The following CRB1 variants were observed in gnomAD, a reference collection of about 807,000 sequenced individuals.
The protein encoded by CRB1 is protein crumbs homolog 1.
Under a neutral mutation model 120.0 loss-of-function variants are expected in CRB1, and 83 were observed. The observed-to-expected ratio is 0.69, with a 90% CI of 0.58 to 0.83. CRB1 has a LOEUF of 0.83. CRB1 is among the 40% of genes least tolerant of loss of function. The probability of loss-of-function intolerance (pLI) is 0.00; values close to 1 mark genes in which losing one functional copy is unlikely to be tolerated. For missense variants in CRB1, 1,699 were observed against 1,687.6 expected (o/e 1.01, Z -0.12); for synonymous variants, 625 against 612.5 (o/e 1.02, Z -0.30).
At chr1:197,304,620 A>G (rs543829642) in intron 1 of CRB1, among the ~76,000 whole-genome samples, 1 of 152,230 alleles carries the variant, frequency 6.6e-6, no homozygotes, top group African/African-American at 2.4e-5. Context: ...CTTTCCTTGC[A>G]GTAGGGTTCT....
intron 1 of CRB1, among the ~76,000 whole-genome samples, chr1:197,286,125 C>T (rs1425455810): frequency 1.3e-5 from 2 of 151,744 alleles, no homozygotes; most frequent in Non-Finnish European, 1.5e-5. Context: ...ATTGGTGCTC[C>T]AGGACTGGGC....
chr1:197,397,460 T>C (rs1416379671), intron 5 of CRB1, among the ~76,000 whole-genome samples: 1 of 152,134 alleles, frequency 6.6e-6, no homozygotes, highest in Non-Finnish European at 1.5e-5. Flanking sequence ...TCCCAATTCA[T>C]ACATATTACC....
intron 5 of CRB1, among the ~76,000 whole-genome samples, chr1:197,385,487 G>A (rs954894271): frequency 6.6e-6 from 1 of 152,024 alleles, no homozygotes; most frequent in African/African-American, 2.4e-5. Context: ...TCCTCCTCCA[G>A]AGTCTTTCTC....
chr1:197,275,955 G>A (rs1460436951), intron 1 of CRB1, among the ~76,000 whole-genome samples: 1 of 151,436 alleles, frequency 6.6e-6, no homozygotes, highest in Non-Finnish European at 1.5e-5. Flanking sequence ...AAGGAAGAAG[G>A]TACTCAGTCA....
intron 5 of CRB1, among the ~76,000 whole-genome samples, chr1:197,401,744 T>A (rs1663076179): frequency 6.6e-6 from 1 of 152,114 alleles, no homozygotes; most frequent in Admixed American, 6.5e-5. Context: ...CTTAGTCACA[T>A]GAAGTTTATC....
intron 4 of CRB1, among the ~76,000 whole-genome samples, chr1:197,354,566 C>T (rs187969168): frequency 7.4e-4 from 112 of 152,112 alleles, no homozygotes; most frequent in South Asian, 2.1e-3. Flanking sequence ...TAAGATGGCA[C>T]GTCTGGCCGC....
chr1:197,360,236 T>C (rs1042671964), intron 5 of CRB1: 1 of 152,226 alleles, frequency 6.6e-6, no homozygotes, highest in Non-Finnish European at 1.5e-5. Context: ...TGTGGGAATA[T>C]CTTTCCCTGT....
Position 197,427,504 on chromosome 1 carries a change from T to C in CRB1, c.2179T>C (p.Phe727Leu), listed in dbSNP as rs758657548. 14 of 1,614,000 alleles carry C rather than the reference T, an allele frequency of 8.7e-6. No homozygotes were observed. Residue 727 changes from phenylalanine to leucine, a missense_variant, in exon 7 of 12, where the codon TTT (phenylalanine) becomes CTT (leucine). Phe to Leu is a conservative substitution (Grantham distance 22). Coordinates refer to ENST00000367400, the MANE Select transcript of CRB1 (RefSeq NM_201253.3). Reference sequence around the variant, plus strand: ...GGATGACTCCACTGGTTATGTCATCTTTACTCTTGATGAGAGCTATGGAGA... The same window carrying C: ...GGATGACTCCACTGGTTATGTCATCCTTACTCTTGATGAGAGCTATGGAGA... ...GQDDSTGYVI[F>L]TLDESYGDTI... is the part of the protein sequence containing the mutation.
chr1:197,277,051 A>G (rs1655248290), intron 1 of CRB1, among the ~76,000 whole-genome samples: 1 of 151,954 alleles, frequency 6.6e-6, no homozygotes, highest in Admixed American at 6.6e-5. Flanking sequence ...GGTGGAAGTA[A>G]TTTCATCACA....
At chr1:197,331,612 A>G (rs944524038) in intron 2 of CRB1, among the ~76,000 whole-genome samples, 1 of 152,160 alleles carries the variant, frequency 6.6e-6, no homozygotes, top group African/African-American at 2.4e-5. Context: ...TTTGTTTACA[A>G]TGGTCACATT....
chr1:197,477,748 G>T lies in CRB1; in HGVS notation c.4090G>T (p.Val1364Phe), dbSNP rs1437858539. The T allele has an allele frequency of 1.2e-6, 2 of 1,613,854 alleles. No individual in the cohort carries two copies. The highest frequency in any genetic ancestry group is 1.7e-5 in the Admixed American group (1 of 59,978). Residue 1364 changes from valine (V) to phenylalanine (F), a missense_variant, in exon 12 of 12, where the codon GTT becomes TTT. Physicochemically the swap from Val to Phe is conservative, Grantham distance 50. Coordinates refer to ENST00000367400, the MANE Select transcript of CRB1 (RefSeq NM_201253.3). The stretch of plus-strand genomic sequence containing the variant: ...GTTACTGATCCTCTTGCTGGCCATT[G>T]TTGCTTCTGTTGTCACCTCCAACAA... ...ALLLILLLAI[V>F]ASVVTSNKRA... is the part of the protein sequence containing the mutation.
At chr1:197,207,273 C>T in the CRB1 span, among the ~76,000 whole-genome samples, 13 of 151,558 alleles carry the variant, frequency 8.6e-5, no homozygotes, top group Non-Finnish European at 1.9e-4. Flanking sequence ...TGCCTGAATA[C>T]CTTGCCTTTT....
chr1:197,357,214 G>C, intron 5 of CRB1: 1 of 652,112 alleles, frequency 1.5e-6, no homozygotes, highest in African/African-American at 1.8e-5. Context: ...ATATTAAAGA[G>C]GGATAAAGGA....
rs1173808027 is a variant in CRB1 at position 197,435,547 on chromosome 1, C to T, written c.3684C>T (p.Thr1228=). The stretch of plus-strand genomic sequence containing the variant: ...GTCACCAGTGTGCAAATGGAGCCAC[C>T]TGCATTAGTCATACTAATGGCTATT... The part of the protein sequence containing the change: ...CQSHQCANGA[T]CISHTNGYSC... Residue 1228 remains threonine (T), a synonymous_variant, in exon 9 of 12, where the codon ACC becomes ACT. Coordinates refer to ENST00000367400, the MANE Select transcript of CRB1 (RefSeq NM_201253.3). The T allele has an allele frequency of 2.5e-6, 4 of 1,613,438 alleles. No homozygotes were observed. The highest frequency in any genetic ancestry group is 1.7e-5 in the Admixed American group (1 of 59,896).
chr1:197,347,587 A>G, intron 4 of CRB1, 108 bp downstream of exon 4: 1 of 1,165,652 alleles, frequency 8.6e-7, no homozygotes, highest in Non-Finnish European at 1.2e-6. Flanking sequence ...TTTTAAATCA[A>G]TTTCTTCTAG....
chr1:197,450,632 T>C (rs908006314), intron 11 of CRB1, among the ~76,000 whole-genome samples: 8 of 151,684 alleles, frequency 5.3e-5, no homozygotes, highest in Non-Finnish European at 7.4e-5. Flanking sequence ...AAAAATAGAT[T>C]TGTTCTATAT....
chr1:197,306,263 C>G (rs867813467), intron 1 of CRB1, among the ~76,000 whole-genome samples: 3 of 151,952 alleles, frequency 2.0e-5, no homozygotes, highest in Non-Finnish European at 2.9e-5. Context: ...TGGGTGGGTC[C>G]CAGGTGGTCT....
intron 1 of CRB1, among the ~76,000 whole-genome samples, chr1:197,303,468 T>C (rs2125257949): frequency 6.6e-6 from 1 of 152,074 alleles, no homozygotes; most frequent in Non-Finnish European, 1.5e-5. Context: ...CTAGTAGCAG[T>C]AGAATATAAA....
chr1:197,415,296 C>G (rs2759663), intron 5 of CRB1, among the ~76,000 whole-genome samples: 39,450 of 152,116 alleles, frequency 0.26, 5,704 homozygotes, highest in African/African-American at 0.37. Flanking sequence ...CCTGTCTCTA[C>G]TTTCTTCCCA....
Sources: gnomAD v4.1 joint callset for allele counts (sites outside exome capture counted in the v4.1 genomes callset) on GRCh38, gnomAD v4.1.1 for gene constraint, MANE v1.5 for transcripts, NCBI Gene and HGNC (gene_info 2026-07-23, HGNC 2026-07-21) for gene names.